SFXN4: variants seen among roughly 807,000 people sequenced by gnomAD.
The protein encoded by SFXN4 is sideroflexin-4.
SFXN4 carries 48 observed loss-of-function variants against 54.6 expected under a neutral mutation model. That is an observed-to-expected ratio of 0.88 (90% CI 0.70 to 1.12). The LOEUF is 1.12. Ranked by LOEUF, SFXN4 falls within the 50% of genes most tolerant of loss-of-function variation. The pLI is 0.00. For missense variants in SFXN4, 383 were observed against 409.2 expected, an observed-to-expected ratio of 0.94 and a Z score of 0.55; for synonymous variants, 130 against 145.5, an observed-to-expected ratio of 0.89 and a Z score of 0.77.
intron 13 of SFXN4, 87 bp downstream of exon 13, chr10:119,146,149 T>C (rs963051846): frequency 1.3e-6 from 1 of 774,110 alleles, no homozygotes; most frequent in African/African-American, 1.7e-5. Context: ...TTATAAACTT[T>C]GCAGAGTTTT....
At chr10:119,144,019 G>A (rs965004919) in intron 13 of SFXN4, among the ~76,000 whole-genome samples, 12 of 152,168 alleles carry the variant, frequency 7.9e-5, no homozygotes, top group African/African-American at 2.9e-4. Context: ...CGTTGTGCTG[G>A]CAAAGTTGCT....
At chr10:119,141,451 G>T in intron 13 of SFXN4, 132 bp from the exon 14 acceptor site, 25 of 295,562 alleles carry the variant, frequency 8.5e-5, no homozygotes, top group Middle Eastern at 9.0e-4. Context: ...ATCTATAGCA[G>T]AAAATGTAAC....
At chr10:119,146,959 A>G (rs529358943) in intron 12 of SFXN4, among the ~76,000 whole-genome samples, 12 of 152,304 alleles carry the variant, frequency 7.9e-5, no homozygotes, top group African/African-American at 2.9e-4. Flanking sequence ...CACCCCAGGC[A>G]TGCGACCTAA....
At position 119,146,464 on chromosome 10, in the gene SFXN4, C is replaced by CGCGCGTGT. The variant is rs1554885843; in HGVS notation, c.819-112_819-111insACACGCGC. 6.3e-5 allele frequency: 31 copies of CGCGCGTGT among 488,578 alleles called. No individual in the cohort carries two copies. In the East Asian group the frequency reaches 1.1e-3, roughly 17 times the overall value. 30.3% of individuals were successfully genotyped at this position (488,578 alleles called of 1,614,324 possible). On this transcript the variant is annotated intron_variant, in intron 12 of 13. Coordinates refer to ENST00000355697, the MANE Select transcript of SFXN4 (RefSeq NM_213649.2). Reference sequence around the variant, plus strand: ...GTGTGTGTGTGTGTGTGTGTGTGCACGTGTGTGTGTACCTGAACACCTGGA... The same window carrying CGCGCGTGT: ...GTGTGTGTGTGTGTGTGTGTGTGCACGCGCGTGTGTGTGTGTGTACCTGAACACCTGGA...
intron 2 of SFXN4, among the ~76,000 whole-genome samples, chr10:119,162,799 CTTA>C (rs1302295407): frequency 6.6e-6 from 1 of 151,932 alleles, no homozygotes; most frequent in Non-Finnish European, 1.5e-5. Context: ...TCTTTCTTTT[CTTA>C]TTGTTTTTTA....
chr10:119,165,317 T>C, intron 1 of SFXN4: 1 of 1,268,966 alleles, frequency 7.9e-7, no homozygotes, highest in Non-Finnish European at 1.0e-6. Context: ...AGGGTGACGT[T>C]GTGGTCGTGG....
chr10:119,164,641 G>A (rs1847695046), intron 1 of SFXN4, among the ~76,000 whole-genome samples: 2 of 152,108 alleles, frequency 1.3e-5, no homozygotes, highest in Admixed American at 1.3e-4. Context: ...AGGGCTCAAT[G>A]GTGCAGCTGG....
chr10:119,144,471 G>GC (rs1181664382), intron 13 of SFXN4, among the ~76,000 whole-genome samples: 7 of 151,670 alleles, frequency 4.6e-5, no homozygotes, highest in African/African-American at 1.7e-4. Flanking sequence ...AAAAAAAATT[G>GC]CTAATATCTG....
rs750412055 is a variant in SFXN4 at position 119,157,722 on chromosome 10, T to A, written c.483A>T (p.Pro161=). 1.4e-5 allele frequency: 23 copies of A among 1,610,188 alleles called. No individual in the cohort carries two copies. The highest frequency in any genetic ancestry group is 2.0e-5 in the Non-Finnish European group (23 of 1,178,514). The change falls in exon 9 of 14, where the codon CCA becomes CCT. Residue 161 remains proline (P), a synonymous_variant. Coordinates refer to ENST00000355697, the MANE Select transcript of SFXN4 (RefSeq NM_213649.2). ...CCGCCATTAGTAATGATCTTTCTAG[T>A]GGCTTACAAGTCTAAGGAGAAACAA... ...INGNRSYTCK[P]LERSLLMAGA... is the part of the protein sequence containing the mutation.
chr10:119,156,832 C>CAGG, intron 9 of SFXN4, 76 bp from the exon 10 acceptor site: 1 of 1,077,590 alleles, frequency 9.3e-7, no homozygotes, highest in Non-Finnish European at 1.4e-6. Context: ...GCAGAGAGGT[C>CAGG]GCCCTGACCT....
chr10:119,162,099 G>A, intron 3 of SFXN4: 1 of 528,700 alleles, frequency 1.9e-6, no homozygotes, highest in Admixed American at 3.7e-5. Flanking sequence ...TTGCTGTCTG[G>A]TTTATGGGAC....
chr10:119,164,652 G>A (rs1444649227), intron 1 of SFXN4, among the ~76,000 whole-genome samples: 2 of 152,082 alleles, frequency 1.3e-5, no homozygotes, highest in Admixed American at 1.3e-4. Context: ...GTGCAGCTGG[G>A]GTCACACTGG....
chr10:119,150,517 C>CT lies in SFXN4; in HGVS notation c.733-2658dup, dbSNP rs765690874. ...CATAGCGAGACCCCATCTCTACAAA[C>CT]TTTTTTTTTTTAACATTAGCCATGT... On this transcript the variant is annotated intron_variant, in intron 11 of 13. Transcript: ENST00000355697. 9.5e-3 allele frequency among the ~76,000 whole-genome samples: 1,402 copies of CT among 147,908 alleles called. 44 individuals carry two copies. The highest frequency in any genetic ancestry group is 0.086 in the East Asian group (440 of 5,096).
chr10:119,163,310 C>T (rs1430853806), intron 2 of SFXN4, among the ~76,000 whole-genome samples: 2 of 152,034 alleles, frequency 1.3e-5, no homozygotes, highest in East Asian at 1.9e-4. Flanking sequence ...TCCTCCATCA[C>T]GTGGAAGATT....
chr10:119,152,349 G>A (rs188393461), intron 11 of SFXN4, among the ~76,000 whole-genome samples: 9 of 151,634 alleles, frequency 5.9e-5, no homozygotes, highest in African/African-American at 1.2e-4. Context: ...GCACGACTTC[G>A]GCTCACTGCA....
chr10:119,148,864 C>G (rs186126805), intron 11 of SFXN4, among the ~76,000 whole-genome samples: 21 of 152,130 alleles, frequency 1.4e-4, no homozygotes. Context: ...AGACAGCTCA[C>G]GTTAACTTTT....
chr10:119,165,128 A>T (rs1391622502), intron 1 of SFXN4: 1 of 817,992 alleles, frequency 1.2e-6, no homozygotes, highest in Non-Finnish European at 1.5e-6. Context: ...GCAGGGAGAT[A>T]AGTCCTGCTT....
chr10:119,148,461 A>G (rs1041041495), intron 11 of SFXN4, among the ~76,000 whole-genome samples: 3 of 152,128 alleles, frequency 2.0e-5, no homozygotes, highest in African/African-American at 7.2e-5. Flanking sequence ...ATGGTTCCTC[A>G]GTGGAAATGC....
At chr10:119,147,296 G>A (rs1050517789) in intron 12 of SFXN4, among the ~76,000 whole-genome samples, 1 of 152,230 alleles carries the variant, frequency 6.6e-6, no homozygotes, top group African/African-American at 2.4e-5. Flanking sequence ...TCTCATACTG[G>A]TGGCCACAGG....
Sources: allele counts gnomAD v4.1 joint callset (sites outside exome capture counted in the v4.1 genomes callset), GRCh38; gene constraint gnomAD v4.1.1; transcripts MANE v1.5; gene names NCBI Gene and HGNC (gene_info 2026-07-23, HGNC 2026-07-21).